DLGAP2: variants seen among roughly 807,000 people sequenced by gnomAD.
DLGAP2 encodes the protein DLG associated protein 2, also known as disks large-associated protein 2.
DLGAP2 carries 26 observed loss-of-function variants against 100.3 expected under a neutral mutation model. That is an observed-to-expected ratio of 0.26 (90% CI 0.19 to 0.36). The LOEUF is 0.36. Ranked by LOEUF, DLGAP2 falls within the 10% of genes least tolerant of loss-of-function variation. The probability of loss-of-function intolerance (pLI) is 1.00; values close to 1 mark genes in which losing one functional copy is unlikely to be tolerated. For missense variants in DLGAP2, 1,858 were observed against 1,453.2 expected (o/e 1.28, Z -4.53); for synonymous variants, 886 against 630.1 (o/e 1.41, Z -6.08).
chr8:1,450,962 A>G (rs1798143200), intron 3 of DLGAP2, among the ~76,000 whole-genome samples: 1 of 152,310 alleles, frequency 6.6e-6, no homozygotes, highest in Non-Finnish European at 1.5e-5. Flanking sequence ...TTGGAAATGC[A>G]TCATACCTCG....
rs117797829 is a variant in DLGAP2 at position 1,633,548 on chromosome 8, C to T, written c.1810+502C>T. Among the ~76,000 whole-genome samples the T allele has an allele frequency of 2.9e-3, 449 of 152,286 alleles. 3 individuals are homozygous for T. Among genetic ancestry groups the T allele is most frequent in the Non-Finnish European group, 3.9e-3 (268 of 68,024 alleles). On this transcript the variant is annotated intron_variant, in intron 8 of 14. Coordinates refer to ENST00000637795, the MANE Select transcript of DLGAP2 (RefSeq NM_001346810.2). Reference sequence around the variant, plus strand: ...TCTTAGAGCTCCGAAGACTCAGTCTCGCAATTTCCTTTAGTTCTCATGGAA... The same window carrying T: ...TCTTAGAGCTCCGAAGACTCAGTCTTGCAATTTCCTTTAGTTCTCATGGAA...
chr8:916,911 G>A (rs192064560), intron 2 of DLGAP2, among the ~76,000 whole-genome samples: 9 of 152,268 alleles, frequency 5.9e-5, no homozygotes, highest in Non-Finnish European at 1.0e-4. Flanking sequence ...ACTGATGCCC[G>A]GGAGGGCACA....
intron 2 of DLGAP2, among the ~76,000 whole-genome samples, chr8:959,537 A>C (rs1276185825): frequency 6.6e-6 from 1 of 152,312 alleles, no homozygotes; most frequent in South Asian, 2.1e-4. Context: ...GTGCAACAGA[A>C]AGCTCTGTGC....
intron 2 of DLGAP2, among the ~76,000 whole-genome samples, chr8:1,168,486 C>T (rs1797063539): frequency 6.7e-6 from 1 of 148,930 alleles, no homozygotes; most frequent in South Asian, 2.2e-4. Flanking sequence ...AACTAGTTTA[C>T]AGTCCCACCA....
At chr8:1,298,872 G>T (rs1800258905) in intron 3 of DLGAP2, among the ~76,000 whole-genome samples, 1 of 152,284 alleles carries the variant, frequency 6.6e-6, no homozygotes, top group African/African-American at 2.4e-5. Context: ...ACTCCCATGG[G>T]CAATAACACA....
At chr8:1,460,400 C>A (rs1472011293) in intron 3 of DLGAP2, among the ~76,000 whole-genome samples, 4 of 152,222 alleles carry the variant, frequency 2.6e-5, no homozygotes, top group Non-Finnish European at 1.5e-5. Context: ...CTGGCTAGGA[C>A]TTTAATCAGC....
At chr8:856,142 G>T (rs1160716146) in intron 1 of DLGAP2, among the ~76,000 whole-genome samples, 1 of 150,146 alleles carries the variant, frequency 6.7e-6, no homozygotes, top group Admixed American at 6.6e-5. Flanking sequence ...TATTTATGTA[G>T]AAGATCCCAA....
intron 2 of DLGAP2, among the ~76,000 whole-genome samples, chr8:1,185,692 AACACAC>A (rs1490875087): frequency 1.4e-5 from 2 of 147,196 alleles, no homozygotes; most frequent in East Asian, 3.9e-4. Context: ...ACTAGCTGTA[AACACAC>A]ACACTCACAC....
intron 3 of DLGAP2, among the ~76,000 whole-genome samples, chr8:1,468,604 C>T (rs1468007094): frequency 1.3e-5 from 2 of 152,230 alleles, no homozygotes; most frequent in Non-Finnish European, 1.5e-5. Flanking sequence ...ATCCCTCCAC[C>T]CTTGAAGGAA....
intron 6 of DLGAP2, among the ~76,000 whole-genome samples, chr8:1,578,864 C>G (rs77528769): frequency 0.014 from 2,178 of 152,282 alleles, 35 homozygotes; most frequent in African/African-American, 0.041. Flanking sequence ...TCGGGAAGGT[C>G]AGATTCCCAG....
chr8:1,074,876 G>T (rs1803555152), intron 2 of DLGAP2, among the ~76,000 whole-genome samples: 2 of 152,208 alleles, frequency 1.3e-5, no homozygotes, highest in South Asian at 4.2e-4. Flanking sequence ...GTCATCACCA[G>T]CAGGGTCCTG....
At chr8:1,249,916 T>G (rs1359450243) in intron 2 of DLGAP2, among the ~76,000 whole-genome samples, 3 of 152,208 alleles carry the variant, frequency 2.0e-5, no homozygotes, top group Non-Finnish European at 4.4e-5. Context: ...AGTCTTGCTC[T>G]GTCACCCAGG....
intron 12 of DLGAP2, chr8:1,688,573 A>C (rs1442499586): frequency 6.6e-6 from 1 of 152,204 alleles, no homozygotes; most frequent in Non-Finnish European, 1.5e-5. Flanking sequence ...GACAACACTT[A>C]CTGCCGTCTC....
chr8:1,422,530 A>C (rs922417460), intron 3 of DLGAP2, among the ~76,000 whole-genome samples: 1 of 151,462 alleles, frequency 6.6e-6, no homozygotes, highest in Non-Finnish European at 1.5e-5. Context: ...ATGAAGGCAG[A>C]AGAGTGTTTG....
chr8:848,889 G>A (rs1460733824), intron 1 of DLGAP2, among the ~76,000 whole-genome samples: 3 of 132,416 alleles, frequency 2.3e-5, no homozygotes, highest in Non-Finnish European at 3.4e-5. Flanking sequence ...TCCAGCATAG[G>A]AACGCGCGGT....
At chr8:802,740 C>G (rs1472224365) in intron 1 of DLGAP2, among the ~76,000 whole-genome samples, 4 of 152,150 alleles carry the variant, frequency 2.6e-5, no homozygotes, top group Non-Finnish European at 5.9e-5. Flanking sequence ...GCCGTGGTCT[C>G]TCAGACGGTC....
chr8:1,108,888 G>A (rs1804865167), intron 2 of DLGAP2, among the ~76,000 whole-genome samples: 1 of 130,660 alleles, frequency 7.7e-6, no homozygotes, highest in Non-Finnish European at 1.6e-5. Context: ...GCATGGGTCT[G>A]TGAGGTGTGC....
At chr8:1,467,079 C>T (rs1026912700) in intron 3 of DLGAP2, among the ~76,000 whole-genome samples, 1 of 152,064 alleles carries the variant, frequency 6.6e-6, no homozygotes, top group Non-Finnish European at 1.5e-5. Context: ...GGCCCCGGGA[C>T]CAGGATGGTC....
chr8:1,467,449 C>G (rs1798658405), intron 3 of DLGAP2, among the ~76,000 whole-genome samples: 1 of 151,594 alleles, frequency 6.6e-6, no homozygotes, highest in Non-Finnish European at 1.5e-5. Flanking sequence ...CCCCCACTCA[C>G]CAAGAGGCCC....
Sources: allele counts gnomAD v4.1 joint callset (sites outside exome capture counted in the v4.1 genomes callset), GRCh38; gene constraint gnomAD v4.1.1; transcripts MANE v1.5; gene names NCBI Gene and HGNC (gene_info 2026-07-23, HGNC 2026-07-21).